ACACB: variants seen among roughly 807,000 people sequenced by gnomAD.
ACACB encodes acetyl-CoA carboxylase 2.
In ACACB, 209 loss-of-function variants were observed where a neutral mutation model predicts 278.8. That is an observed-to-expected ratio of 0.75 (90% confidence interval 0.67 to 0.84). The LOEUF is 0.84. Ranked by LOEUF, ACACB falls within the 40% of genes least tolerant of loss-of-function variation. ACACB has a pLI of 0.00. For synonymous variants in ACACB, 1,174 were observed against 1,285.6 expected (o/e 0.91, Z 1.86); for missense variants, 2,850 against 3,269.0 (o/e 0.87, Z 3.13).
chr12:109,210,201 A>ACATATACACACATGTGTG (rs2045719606), intron 21 of ACACB, among the ~76,000 whole-genome samples: 1 of 13,584 alleles, frequency 7.4e-5, no homozygotes, highest in African/African-American at 2.9e-4. Flanking sequence ...GTGTATATGT[A>ACATATACACACATGTGTG]TATATGTATA....
chr12:109,145,992 G>A (rs1048010294), intron 2 of ACACB, among the ~76,000 whole-genome samples: 3 of 152,164 alleles, frequency 2.0e-5, no homozygotes, highest in Admixed American at 2.0e-4. Flanking sequence ...CTGGGCAACA[G>A]AGTGAGACTC....
rs1023812440 is a variant in ACACB, at chr12:109,245,838, C to T, written c.5301+90C>T. On this transcript the variant is annotated intron_variant, in intron 38 of 52. Coordinates refer to ENST00000338432, the MANE Select transcript of ACACB (RefSeq NM_001093.4). The stretch of plus-strand genomic sequence containing the variant: ...GTGCAGTAGCTCACACCTGTAATCC[C>T]AGTGCTTTGGGAGGCCAAGGTGGGT... 1.5e-5 allele frequency: 23 copies of T among 1,516,252 alleles called. No homozygotes were observed. In the African/African-American group the frequency reaches 2.9e-4, roughly 19 times the overall value. 93.9% of individuals were successfully genotyped at this position (1,516,252 alleles called of 1,614,324 possible).
At chr12:109,265,654 C>A in intron 52 of ACACB, 129 bp downstream of exon 52, 1 of 1,146,950 alleles carries the variant, frequency 8.7e-7, no homozygotes, top group Non-Finnish European at 1.2e-6. Flanking sequence ...TGTCCCCGCC[C>A]CCTCCCCGCT....
At position 109,227,446 on chromosome 12, in the gene ACACB, G is replaced by A. The variant is rs376807259; in HGVS notation, c.3958G>A (p.Val1320Met). The A allele has an allele frequency of 2.2e-5, 36 of 1,613,892 alleles. No individual in the cohort carries two copies. The highest frequency in any genetic ancestry group is 6.7e-5 in the East Asian group (3 of 44,890). The change falls in exon 28 of 53, where the codon GTG (valine) becomes ATG (methionine). Residue 1320 changes from valine (V) to methionine (M), a missense_variant. This residue lies in a region of ACACB where 2,265 missense variants were observed against 2,561.3 expected (regional missense o/e 0.88). Transcript: ENST00000338432. Reference sequence around the variant, plus strand: ...CCGGCAGCTCCCGGACGGCACCTGCGTGGTAGAATTCCAGTTCATGCTGCC... The same window carrying A: ...CCGGCAGCTCCCGGACGGCACCTGCATGGTAGAATTCCAGTTCATGCTGCC... ...QHRQLPDGTCVVEFQFMLPSS... is the reference protein window; with the variant it reads ...QHRQLPDGTCMVEFQFMLPSS...
At chr12:109,210,535 ATATACGTGCATG>A (rs2045805819) in intron 21 of ACACB, among the ~76,000 whole-genome samples, 1 of 148,790 alleles carries the variant, frequency 6.7e-6, no homozygotes, top group Non-Finnish European at 1.5e-5. Context: ...ATATGTGTAT[ATATACGTGCATG>A]TATATATACA....
intron 34 of ACACB, among the ~76,000 whole-genome samples, chr12:109,239,207 C>T (rs950470521): frequency 1.3e-5 from 2 of 152,200 alleles, no homozygotes; most frequent in Admixed American, 1.3e-4. Context: ...AGCCACTGTG[C>T]CTGGCCAAGC....
intron 39 of ACACB, 99 bp from the exon 40 acceptor site, chr12:109,247,507 A>G: frequency 5.0e-6 from 4 of 792,652 alleles, no homozygotes; most frequent in South Asian, 4.6e-5. Flanking sequence ...CTAACATGTT[A>G]TTAACATCCA....
chr12:109,232,804 C>T lies in ACACB; in HGVS notation c.4137C>T (p.Thr1379=). Residue 1379 remains threonine, a splice_region_variant and synonymous_variant, in exon 29 of 53, where the codon ACC becomes ACT. Coordinates refer to ENST00000338432, the MANE Select transcript of ACACB (RefSeq NM_001093.4). The part of the protein sequence containing the change: ...MVAFRRFEDF[T]RNFDEVISCF... The stretch of plus-strand genomic sequence containing the variant: ...CCTTCAGGAGATTCGAGGACTTCAC[C>T]AGGTACCCAGCATGGCCCGGTCTCC... The T allele has an allele frequency of 6.2e-7, 1 of 1,614,086 alleles. No individual in the cohort carries two copies. Among genetic ancestry groups the T allele is most frequent in the Admixed American group, 1.7e-5 (1 of 60,010 alleles).
At chr12:109,232,586 A>G (rs1426336836) in intron 28 of ACACB, 83 bp from the exon 29 acceptor site, 7 of 1,514,240 alleles carry the variant, frequency 4.6e-6, no homozygotes, top group Non-Finnish European at 6.3e-6. Flanking sequence ...GGTCCAGCTC[A>G]CTGAAGCTTC....
At chr12:109,208,008 A>G (rs1221352014) in intron 20 of ACACB, among the ~76,000 whole-genome samples, 1 of 152,024 alleles carries the variant, frequency 6.6e-6, no homozygotes, top group East Asian at 1.9e-4. Context: ...TAAAAGTTCA[A>G]TCATTTCATC....
At chr12:109,139,263 A>G in intron 1 of ACACB, 134 bp from the exon 2 acceptor site, 1 of 792,016 alleles carries the variant, frequency 1.3e-6, no homozygotes, top group East Asian at 2.7e-5. Flanking sequence ...CAGGGAGGAG[A>G]ACCCCATCTC....
At chr12:109,157,347 C>T (rs1448604784) in intron 2 of ACACB, among the ~76,000 whole-genome samples, 3 of 151,638 alleles carry the variant, frequency 2.0e-5, no homozygotes, top group Non-Finnish European at 4.4e-5. Context: ...GATCATGGCT[C>T]ATTACAGCCT....
chr12:109,142,711 C>T (rs564618549), intron 2 of ACACB, among the ~76,000 whole-genome samples: 6 of 152,148 alleles, frequency 3.9e-5, no homozygotes, highest in African/African-American at 7.2e-5. Flanking sequence ...GAATTATGGG[C>T]GTGTGCCACC....
chr12:109,187,752 G>A (rs1403274078), intron 12 of ACACB, among the ~76,000 whole-genome samples: 8 of 151,906 alleles, frequency 5.3e-5, no homozygotes, highest in South Asian at 2.1e-4. Context: ...GAGCCACTGC[G>A]ACTGAACCAA....
chr12:109,235,687 C>T (rs2046613500), intron 33 of ACACB, 40 bp downstream of exon 33: 1 of 1,575,264 alleles, frequency 6.3e-7, no homozygotes, highest in Non-Finnish European at 8.7e-7. Flanking sequence ...TCTCTAGCAT[C>T]TTGTTTTATT....
chr12:109,115,823 C>T (rs988069699), upstream of ACACB, among the ~76,000 whole-genome samples: 12 of 152,250 alleles, frequency 7.9e-5, no homozygotes, highest in South Asian at 2.1e-4. Context: ...TCAGCGCTCT[C>T]GCCAGTTTCT....
chr12:109,154,076 C>T (rs1305829018), intron 2 of ACACB, among the ~76,000 whole-genome samples: 1 of 152,184 alleles, frequency 6.6e-6, no homozygotes, highest in Non-Finnish European at 1.5e-5. Flanking sequence ...GGGATAAAAA[C>T]AATAAGATTG....
At chr12:109,127,624 A>T (rs1048020914) in intron 1 of ACACB, among the ~76,000 whole-genome samples, 2 of 151,872 alleles carry the variant, frequency 1.3e-5, no homozygotes, top group African/African-American at 4.8e-5. Flanking sequence ...TAAAGTTCTT[A>T]GTATTTGCAG....
At chr12:109,237,734 G>A (rs998861315) in intron 34 of ACACB, among the ~76,000 whole-genome samples, 2 of 152,054 alleles carry the variant, frequency 1.3e-5, no homozygotes, top group Non-Finnish European at 1.5e-5. Flanking sequence ...ATCCATGGCC[G>A]GGTGCAGTGA....
Sources: gnomAD v4.1 joint callset for allele counts (sites outside exome capture counted in the v4.1 genomes callset) on GRCh38, gnomAD v4.1.1 for gene constraint, gnomAD v4.1.1 regional missense constraint, MANE v1.5 for transcripts, NCBI Gene and HGNC (gene_info 2026-07-23, HGNC 2026-07-21) for gene names.